Variants in HDX observed in about 807,000 individuals in gnomAD.
HDX encodes the protein chromosome X open reading frame 43.
Under a neutral mutation model 45.2 loss-of-function variants are expected in HDX, and 19 were observed. The ratio of observed to expected loss-of-function variants is 0.42; its 90% CI spans 0.29 to 0.62. HDX has a LOEUF of 0.62. Among genes scored for constraint, HDX ranks in the 20% least tolerant of loss-of-function variants. The pLI is 0.20. For synonymous variants in HDX, 188 were observed against 172.8 expected, an observed-to-expected ratio of 1.09 and a Z score of -0.69; for missense variants, 532 against 493.9, an observed-to-expected ratio of 1.08 and a Z score of -0.73.
chrX:84,488,787 G>A (rs1444554846), intron 1 of HDX, among the ~76,000 whole-genome samples: 1 of 111,850 alleles, frequency 8.9e-6, no homozygotes, highest in African/African-American at 3.2e-5. Context: ...GAAAAATAAA[G>A]TGTTTTTATA....
Position 84,324,436 on chromosome X carries a change from A to T in HDX, c.1947+1742T>A, listed in dbSNP as rs191933166. The stretch of plus-strand genomic sequence containing the variant: ...TTGGACTACTATTCGTGTCTTCTAT[A>T]TTTTGTGACCATATTCTAAGATTCA... On this transcript the variant is annotated intron_variant, in intron 10 of 10. Coordinates refer to ENST00000373177, the MANE Select transcript of HDX (RefSeq NM_001177479.2). Among the ~76,000 whole-genome samples, 638 of 111,401 alleles carry T rather than the reference A, an allele frequency of 5.7e-3. 3 individuals are homozygous for T. The highest frequency in any genetic ancestry group is 9.9e-3 in the Non-Finnish European group (522 of 52,797).
At chrX:84,374,081 G>A (rs1285908171) in intron 5 of HDX, among the ~76,000 whole-genome samples, 4 of 110,446 alleles carry the variant, frequency 3.6e-5, no homozygotes, top group African/African-American at 1.3e-4. Context: ...CAAAATCAAT[G>A]TACAAAAATC....
intron 5 of HDX, among the ~76,000 whole-genome samples, chrX:84,390,201 T>C (rs1483439354): frequency 1.8e-5 from 2 of 111,068 alleles, no homozygotes; most frequent in Non-Finnish European, 3.8e-5. Context: ...CATCATTGTT[T>C]TGTTAATATT....
intron 5 of HDX, among the ~76,000 whole-genome samples, chrX:84,384,261 T>A (rs923205620): frequency 8.9e-6 from 1 of 111,850 alleles, no homozygotes; most frequent in Non-Finnish European, 1.9e-5. Context: ...TGAGATCATA[T>A]CTCATTGTGG....
intron 1 of HDX, among the ~76,000 whole-genome samples, chrX:84,493,536 A>G (rs181580977): frequency 8.9e-6 from 1 of 112,137 alleles, no homozygotes; most frequent in Non-Finnish European, 1.9e-5. Context: ...ACATAAATAT[A>G]TGAAAATATA....
intron 5 of HDX, among the ~76,000 whole-genome samples, chrX:84,421,002 A>G (rs985191338): frequency 2.7e-5 from 3 of 112,423 alleles, no homozygotes; most frequent in Admixed American, 1.9e-4. Context: ...AACACTGGAC[A>G]TGTCCTAGAA....
intron 5 of HDX, among the ~76,000 whole-genome samples, chrX:84,367,296 A>G (rs1396502472): frequency 8.9e-6 from 1 of 112,556 alleles, no homozygotes; most frequent in African/African-American, 3.2e-5. Flanking sequence ...CAAAACCACA[A>G]TAAGATACCA....
At chrX:84,376,478 G>C (rs1432594831) in intron 5 of HDX, among the ~76,000 whole-genome samples, 3 of 111,661 alleles carry the variant, frequency 2.7e-5, no homozygotes, top group Non-Finnish European at 5.6e-5. Flanking sequence ...GAAATTTCTG[G>C]ACTTTCCCTG....
rs901504284 is a variant in HDX, at chrX:84,486,764, AT to A, written c.-1+1259del. 1.8e-4 allele frequency among the ~76,000 whole-genome samples: 19 copies of A among 107,427 alleles called. No homozygotes were observed. In the South Asian group the frequency reaches 5.1e-3, roughly 29 times the overall value. The allele number at this position is 107,427 out of a possible 115,157, so 93.3% of individuals were successfully genotyped here. A position where few individuals can be genotyped will look rare whatever the true frequency, so the allele number is the denominator to read the frequency against. On this transcript the variant is annotated intron_variant, in intron 2 of 10. Transcript: ENST00000373177. ...CTGTTTTTCTATGGCTATTTTCAACATTTTTTTTTACCTTTGGCTTTCAACA... is the reference window on the plus strand; with the variant it reads ...CTGTTTTTCTATGGCTATTTTCAACATTTTTTTTACCTTTGGCTTTCAACA...
rs771223548 is a variant in HDX at position 84,458,538 on chromosome X, C to T, written c.1251+9934G>A. Among the ~76,000 whole-genome samples, 8 of 112,193 alleles carry T rather than the reference C, an allele frequency of 7.1e-5. No individual in the cohort carries two copies. In the East Asian group the frequency reaches 2.2e-3, roughly 31 times the overall value. ...CAATATTTACAAATTCCCATTCATG[C>T]ACACAAAACATATACCATAATCACA... On this transcript the variant is annotated intron_variant, in intron 4 of 10. Transcript: ENST00000373177.
intron 9 of HDX, among the ~76,000 whole-genome samples, chrX:84,330,867 G>C (rs2036828320): frequency 8.9e-6 from 1 of 111,882 alleles, no homozygotes; most frequent in Admixed American, 9.5e-5. Context: ...ATACTTCCTA[G>C]ATAACAGGCA....
intron 9 of HDX, among the ~76,000 whole-genome samples, chrX:84,326,602 T>C (rs1426106284): frequency 2.7e-5 from 3 of 111,128 alleles, no homozygotes; most frequent in Non-Finnish European, 3.8e-5. Context: ...TCAAGCCTAA[T>C]TGGCATTCAG....
intron 4 of HDX, among the ~76,000 whole-genome samples, chrX:84,461,396 A>T (rs1402273132): frequency 9.0e-6 from 1 of 111,434 alleles, no homozygotes; most frequent in Non-Finnish European, 1.9e-5. Flanking sequence ...ATGCTTGACA[A>T]TATTGCCAAG....
In HDX at chrX:84,361,585, G is replaced by C. The variant is rs1233675238; in HGVS notation, c.1333C>G (p.Arg445Gly). The C allele has an allele frequency of 8.4e-6, 10 of 1,196,958 alleles. No individual in the cohort carries two copies. The Admixed American group carries it at 2.2e-4, about 27-fold the overall frequency. ...ALQDRTQFSD[R>G]DLATLKKYWD... ...TACTTCTTAAGGGTGGCTAAGTCTC[G>C]GTCACTGAACTGAGTGCGGTCCTGT... The change falls in exon 6 of 11, where the codon CGA (arginine) becomes GGA (glycine). Residue 445 changes from arginine to glycine, a missense_variant. Physicochemically the swap from Arg to Gly is moderately radical, Grantham distance 125. Transcript: ENST00000373177.
At chrX:84,501,676 C>T (rs1234738780) in intron 1 of HDX, among the ~76,000 whole-genome samples, 1 of 112,201 alleles carries the variant, frequency 8.9e-6, no homozygotes, top group Non-Finnish European at 1.9e-5. Flanking sequence ...TTATAAGGCT[C>T]ATTTTGAAGC....
At chrX:84,406,691 C>G (rs1408398882) in intron 5 of HDX, among the ~76,000 whole-genome samples, 1 of 111,024 alleles carries the variant, frequency 9.0e-6, no homozygotes, top group Non-Finnish European at 1.9e-5. Context: ...CTAAAGACCA[C>G]TAAGGAATTC....
intron 5 of HDX, among the ~76,000 whole-genome samples, chrX:84,374,695 A>G (rs1323665878): frequency 1.8e-5 from 2 of 110,113 alleles, no homozygotes; most frequent in Non-Finnish European, 3.8e-5. Flanking sequence ...AGCCATATGT[A>G]GAAAGCTGAA....
chrX:84,402,303 T>C (rs2038725101), intron 5 of HDX, among the ~76,000 whole-genome samples: 1 of 112,251 alleles, frequency 8.9e-6, no homozygotes, highest in African/African-American at 3.2e-5. Flanking sequence ...CTCTTATGCA[T>C]ATTTTTACAG....
At chrX:84,460,632 T>A (rs2040219155) in intron 4 of HDX, among the ~76,000 whole-genome samples, 1 of 111,839 alleles carries the variant, frequency 8.9e-6, no homozygotes, top group South Asian at 3.7e-4. Flanking sequence ...TCCTCAAAGA[T>A]GTGGAAAACA....
Sources: gnomAD v4.1 joint callset for allele counts (sites outside exome capture counted in the v4.1 genomes callset) on GRCh38, gnomAD v4.1.1 for gene constraint, MANE v1.5 for transcripts, NCBI Gene and HGNC (gene_info 2026-07-23, HGNC 2026-07-21) for gene names.